DPF3: variants seen among roughly 807,000 people sequenced by gnomAD.
DPF3 encodes zinc finger protein DPF3.
DPF3 carries 18 observed loss-of-function variants against 56.8 expected under a neutral mutation model. The ratio of observed to expected loss-of-function variants is 0.32; its 90% CI spans 0.22 to 0.47. The LOEUF (loss-of-function observed/expected upper bound fraction) is 0.47. Among genes scored for constraint, DPF3 ranks in the 20% least tolerant of loss-of-function variants. The pLI is 1.00. For synonymous variants in DPF3, 188 were observed against 180.2 expected (o/e 1.04, Z -0.35); for missense variants, 403 against 488.8 (o/e 0.82, Z 1.65).
At chr14:72,735,299 A>C (rs1036836809) in intron 3 of DPF3, among the ~76,000 whole-genome samples, 2 of 152,100 alleles carry the variant, frequency 1.3e-5, no homozygotes, top group Admixed American at 1.3e-4. Context: ...TCCCCGTGCA[A>C]TGTTCACCAT....
intron 1 of DPF3, among the ~76,000 whole-genome samples, chr14:72,863,972 G>T (rs1177930513): frequency 6.6e-6 from 1 of 152,194 alleles, no homozygotes; most frequent in Non-Finnish European, 1.5e-5. Context: ...AAGGCCTGGA[G>T]GTGGGAAGCC....
chr14:72,738,309 C>CT (rs1889982710), intron 3 of DPF3, among the ~76,000 whole-genome samples: 3 of 152,228 alleles, frequency 2.0e-5, no homozygotes, highest in Admixed American at 1.3e-4. Flanking sequence ...ATCACCCAGG[C>CT]TGCACCCTGC....
At chr14:72,721,949 G>A (rs1889192662) in intron 5 of DPF3, among the ~76,000 whole-genome samples, 1 of 152,126 alleles carries the variant, frequency 6.6e-6, no homozygotes, top group Non-Finnish European at 1.5e-5. Context: ...GTGTGGTGGG[G>A]TGCAATACAG....
At chr14:72,619,516 T>C in intron 10 of DPF3, 149 bp from the exon 11 acceptor site, 1 of 873,924 alleles carries the variant, frequency 1.1e-6, no homozygotes, top group East Asian at 2.6e-5. Flanking sequence ...CCAGAGTCTG[T>C]GGCTCAGCAG....
At chr14:72,886,932 A>G (rs779786452) in intron 1 of DPF3, among the ~76,000 whole-genome samples, 16 of 152,160 alleles carry the variant, frequency 1.1e-4, no homozygotes, top group Non-Finnish European at 2.2e-4. Context: ...TAACACAGGT[A>G]TGCTAGAGGA....
At chr14:72,819,140 C>A (rs1191578397) in intron 1 of DPF3, among the ~76,000 whole-genome samples, 1 of 152,186 alleles carries the variant, frequency 6.6e-6, no homozygotes, top group Non-Finnish European at 1.5e-5. Flanking sequence ...ACTAAAACTA[C>A]AGTAAGCTAC....
chr14:72,855,576 T>C (rs1472751475), intron 1 of DPF3, among the ~76,000 whole-genome samples: 4 of 152,174 alleles, frequency 2.6e-5, no homozygotes, highest in Non-Finnish European at 5.9e-5. Context: ...GTGGAAGACA[T>C]AGAACGCCTT....
chr14:72,798,308 A>C (rs1033521672), intron 1 of DPF3, among the ~76,000 whole-genome samples: 8 of 150,560 alleles, frequency 5.3e-5, no homozygotes, highest in Non-Finnish European at 7.4e-5. Flanking sequence ...TATAAGCAGA[A>C]CTTTACTTTT....
At chr14:72,840,040 A>G (rs1400749397) in intron 1 of DPF3, among the ~76,000 whole-genome samples, 1 of 152,232 alleles carries the variant, frequency 6.6e-6, no homozygotes, top group East Asian at 1.9e-4. Flanking sequence ...TCCATAAAAT[A>G]GGGATAAAAA....
At chr14:72,852,553 C>T (rs1260591401) in intron 1 of DPF3, among the ~76,000 whole-genome samples, 1 of 152,236 alleles carries the variant, frequency 6.6e-6, no homozygotes, top group East Asian at 1.9e-4. Context: ...CAATCCAGAA[C>T]TTTCTACGGC....
At chr14:72,788,781 G>T (rs1185100149) in intron 1 of DPF3, among the ~76,000 whole-genome samples, 1 of 152,184 alleles carries the variant, frequency 6.6e-6, no homozygotes, top group African/African-American at 2.4e-5. Context: ...CCAACAAAGG[G>T]GTTGGTGGGT....
chr14:72,620,150 C>A (rs1233180632), intron 9 of DPF3, among the ~76,000 whole-genome samples, 166 bp from the exon 10 acceptor site: 1 of 152,156 alleles, frequency 6.6e-6, no homozygotes, highest in African/African-American at 2.4e-5. Context: ...CTGTGCTTTT[C>A]CCACAACTGG....
chr14:72,782,812 G>A (rs575537955), intron 1 of DPF3, among the ~76,000 whole-genome samples: 13 of 151,136 alleles, frequency 8.6e-5, no homozygotes, highest in East Asian at 7.8e-4. Context: ...CAGCCTGGGC[G>A]ACAGAGCGAG....
chr14:72,698,639 A>T (rs1328218212), intron 6 of DPF3, among the ~76,000 whole-genome samples: 1 of 152,210 alleles, frequency 6.6e-6, no homozygotes, highest in Non-Finnish European at 1.5e-5. Flanking sequence ...GTTAGCTGAG[A>T]TCACACCACG....
chr14:72,662,526 C>T (rs1886259954), intron 8 of DPF3: 3 of 984,950 alleles, frequency 3.0e-6, no homozygotes, highest in Middle Eastern at 5.2e-4. Context: ...CCAGGCGGAC[C>T]TGGGTACTTT....
chr14:72,659,944 C>T lies in DPF3; in HGVS notation c.871+14296G>A, dbSNP rs182646082. 7.0e-4 allele frequency among the ~76,000 whole-genome samples: 107 copies of T among 152,098 alleles called. 1 individual carries two copies. The highest frequency in any genetic ancestry group is 5.4e-3 in the South Asian group (26 of 4,794). Reference sequence around the variant, plus strand: ...GATATTACACTAAATGAAATAAGTCCGTGACAAAAGGACAAATGCTGTATG... The same window carrying T: ...GATATTACACTAAATGAAATAAGTCTGTGACAAAAGGACAAATGCTGTATG... On this transcript the variant is annotated intron_variant, in intron 8 of 10. Transcript: ENST00000556509.
chr14:72,634,123 CCTT>C (rs948367610), intron 8 of DPF3, among the ~76,000 whole-genome samples: 1 of 152,138 alleles, frequency 6.6e-6, no homozygotes, highest in African/African-American at 2.4e-5. Flanking sequence ...TGCAGGAACT[CCTT>C]CTCCTCCACA....
intron 6 of DPF3, among the ~76,000 whole-genome samples, chr14:72,709,728 A>G (rs1309323868): frequency 6.6e-6 from 1 of 151,816 alleles, no homozygotes; most frequent in Non-Finnish European, 1.5e-5. Context: ...CAGCTGTGTG[A>G]CCATGGACAA....
chr14:72,641,829 A>G (rs551387049), intron 8 of DPF3, among the ~76,000 whole-genome samples: 5 of 152,330 alleles, frequency 3.3e-5, no homozygotes, highest in South Asian at 2.1e-4. Context: ...CACAGTAAAG[A>G]GGAGTGACAA....
Sources: gnomAD v4.1 joint callset for allele counts (sites outside exome capture counted in the v4.1 genomes callset) on GRCh38, gnomAD v4.1.1 for gene constraint, MANE v1.5 for transcripts, NCBI Gene and HGNC (gene_info 2026-07-23, HGNC 2026-07-21) for gene names.